CNTN4: variants seen among roughly 807,000 people sequenced by gnomAD.
The protein encoded by CNTN4 is contactin 4.
CNTN4 carries 77 observed loss-of-function variants against 122.5 expected under a neutral mutation model. The ratio of observed to expected loss-of-function variants is 0.63; its 90% CI spans 0.52 to 0.76. The LOEUF (loss-of-function observed/expected upper bound fraction) is 0.76, where lower values mean the gene tolerates loss of function less well. Among genes scored for constraint, CNTN4 ranks in the 30% least tolerant of loss-of-function variants. The probability of loss-of-function intolerance (pLI) is 0.00; values close to 1 mark genes in which losing one functional copy is unlikely to be tolerated. For missense variants in CNTN4, 1,256 were observed against 1,259.1 expected, an observed-to-expected ratio of 1.00 and a Z score of 0.04; for synonymous variants, 512 against 447.0, an observed-to-expected ratio of 1.15 and a Z score of -1.83.
chr3:2,954,005 A>G (rs1267120271), intron 13 of CNTN4, among the ~76,000 whole-genome samples: 1 of 152,248 alleles, frequency 6.6e-6, no homozygotes, highest in Non-Finnish European at 1.5e-5. Context: ...TTTGGTTTTC[A>G]TACTAAACAG....
chr3:2,762,439 C>T (rs568054949), intron 6 of CNTN4, among the ~76,000 whole-genome samples: 1 of 152,308 alleles, frequency 6.6e-6, no homozygotes, highest in African/African-American at 2.4e-5. Context: ...CATTTAGCTT[C>T]CACTTATAAG....
intron 4 of CNTN4, among the ~76,000 whole-genome samples, chr3:2,597,609 G>A (rs1220639678): frequency 1.3e-5 from 2 of 152,130 alleles, no homozygotes; most frequent in East Asian, 3.9e-4. Flanking sequence ...CAGCCTGAAG[G>A]CATGCATAAA....
At chr3:2,881,824 C>T (rs1014896475) in intron 8 of CNTN4, among the ~76,000 whole-genome samples, 3 of 151,920 alleles carry the variant, frequency 2.0e-5, no homozygotes, top group Non-Finnish European at 2.9e-5. Flanking sequence ...GCACCTGTCC[C>T]CCATCCATTT....
chr3:2,947,323 C>T (rs1190388547), intron 13 of CNTN4, among the ~76,000 whole-genome samples: 1 of 152,184 alleles, frequency 6.6e-6, no homozygotes, highest in East Asian at 1.9e-4. Context: ...ACAGGCAAAG[C>T]ATGTCATGAA....
chr3:2,363,667 C>A (rs1361727134), intron 3 of CNTN4, among the ~76,000 whole-genome samples: 2 of 152,160 alleles, frequency 1.3e-5, no homozygotes, highest in Non-Finnish European at 2.9e-5. Flanking sequence ...CTTTTCACTG[C>A]ACTCTGATAC....
chr3:2,300,069 G>A lies in CNTN4; in HGVS notation c.-144-39109G>A, dbSNP rs935453430. On this transcript the variant is annotated intron_variant, in intron 2 of 24. Transcript: ENST00000418658. ...TCTCTTCAGATGAAGATAATGAAGT[G>A]ATTTGAAAAACTGACTCTATTACTG... Among the ~76,000 whole-genome samples, 3 of 152,116 alleles carry A rather than the reference G, an allele frequency of 2.0e-5. No homozygotes were observed. The East Asian group carries it at 5.8e-4, about 29-fold the overall frequency.
intron 2 of CNTN4, among the ~76,000 whole-genome samples, chr3:2,191,813 T>C (rs184376166): frequency 4.2e-4 from 64 of 152,272 alleles, no homozygotes; most frequent in Middle Eastern, 6.8e-3. Context: ...ATGTGCCATG[T>C]TGGTGTGCTG....
chr3:3,036,238 A>AAATCTTGTT (rs1231418096), intron 17 of CNTN4, among the ~76,000 whole-genome samples: 1 of 152,242 alleles, frequency 6.6e-6, no homozygotes, highest in African/African-American at 2.4e-5. Context: ...CAATTCATAT[A>AAATCTTGTT]AATCTTGTTG....
At chr3:2,492,909 C>T (rs527256649) in intron 3 of CNTN4, among the ~76,000 whole-genome samples, 1 of 151,976 alleles carries the variant, frequency 6.6e-6, no homozygotes, top group East Asian at 1.9e-4. Context: ...TAGGAAGATA[C>T]CACAAAGACT....
chr3:2,797,890 C>A (rs751769733), intron 6 of CNTN4, among the ~76,000 whole-genome samples: 6 of 148,310 alleles, frequency 4.0e-5, no homozygotes, highest in Non-Finnish European at 8.9e-5. Flanking sequence ...TGTGCAGATA[C>A]CTTACTACTG....
chr3:2,655,094 G>C (rs930360547), intron 4 of CNTN4, among the ~76,000 whole-genome samples: 1 of 152,126 alleles, frequency 6.6e-6, no homozygotes, highest in African/African-American at 2.4e-5. Context: ...ATTCTCTGAA[G>C]GGTCCCACCC....
intron 2 of CNTN4, among the ~76,000 whole-genome samples, chr3:2,232,033 A>G (rs1245296453): frequency 6.6e-6 from 1 of 152,148 alleles, no homozygotes; most frequent in Non-Finnish European, 1.5e-5. Flanking sequence ...TTTTAGATAT[A>G]GATATATATA....
chr3:2,419,452 A>G (rs2047537324), intron 3 of CNTN4, among the ~76,000 whole-genome samples: 1 of 152,194 alleles, frequency 6.6e-6, no homozygotes, highest in Admixed American at 6.5e-5. Context: ...GTTCCTAGGC[A>G]GGGTACAGAA....
At chr3:2,917,170 GC>G (rs1165617396) in intron 12 of CNTN4, among the ~76,000 whole-genome samples, 1 of 149,850 alleles carries the variant, frequency 6.7e-6, no homozygotes, top group Non-Finnish European at 1.5e-5. Flanking sequence ...GCGTGGCGGC[GC>G]GCGCCTGCAA....
intron 3 of CNTN4, among the ~76,000 whole-genome samples, chr3:2,487,289 T>C (rs760798757): frequency 9.9e-5 from 15 of 152,248 alleles, no homozygotes; most frequent in Non-Finnish European, 2.1e-4. Flanking sequence ...TACTGCAATA[T>C]ATTTGCTCTT....
chr3:2,849,901 T>G (rs1287752743), intron 7 of CNTN4, among the ~76,000 whole-genome samples: 1 of 152,116 alleles, frequency 6.6e-6, no homozygotes, highest in Non-Finnish European at 1.5e-5. Flanking sequence ...GGTTCAGTAG[T>G]GCCTGGTCTC....
intron 13 of CNTN4, chr3:2,927,479 A>G (rs893666561): frequency 3.1e-6 from 1 of 322,624 alleles, no homozygotes. Flanking sequence ...AACAGGTCAC[A>G]TGTTCCTGCA....
chr3:2,271,007 A>G (rs2041271595), intron 2 of CNTN4, among the ~76,000 whole-genome samples: 1 of 152,130 alleles, frequency 6.6e-6, no homozygotes, highest in Non-Finnish European at 1.5e-5. Context: ...TATTAATTAG[A>G]CCACTGCTTA....
At chr3:2,927,315 G>A (rs2094482143) in intron 13 of CNTN4, 1 of 455,864 alleles carries the variant, frequency 2.2e-6, no homozygotes, top group Non-Finnish European at 4.4e-6. Context: ...CAGGGGTTTG[G>A]TAGTGGCTCT....
Sources: allele counts gnomAD v4.1 joint callset (sites outside exome capture counted in the v4.1 genomes callset), GRCh38; gene constraint gnomAD v4.1.1; transcripts MANE v1.5; gene names NCBI Gene and HGNC (gene_info 2026-07-23, HGNC 2026-07-21).